Variants in NR2C1 observed in about 807,000 individuals in gnomAD.
The protein encoded by NR2C1 is nuclear receptor subfamily 2 group C member 1.
Under a neutral mutation model 74.8 loss-of-function variants are expected in NR2C1, and 33 were observed. The observed-to-expected ratio is 0.44, with a 90% CI of 0.33 to 0.59. NR2C1 has a LOEUF of 0.59. Ranked by LOEUF, NR2C1 falls within the 20% of genes least tolerant of loss-of-function variation. The pLI is 0.02. For missense variants in NR2C1, 568 were observed against 715.6 expected, an observed-to-expected ratio of 0.79 and a Z score of 2.35; for synonymous variants, 225 against 240.6, an observed-to-expected ratio of 0.94 and a Z score of 0.60.
intron 6 of NR2C1, 27 bp from the exon 7 acceptor site, chr12:95,057,670 C>T: frequency 1.2e-6 from 2 of 1,612,502 alleles, no homozygotes; most frequent in South Asian, 2.2e-5. Flanking sequence ...CAAATTTTGG[C>T]CTGAGTTTCA....
chr12:95,071,062 G>A (rs1325243856), intron 1 of NR2C1, among the ~76,000 whole-genome samples: 3 of 152,188 alleles, frequency 2.0e-5, no homozygotes, highest in Admixed American at 6.5e-5. Flanking sequence ...TTAGCCGGGT[G>A]TGGTGGACGG....
intron 2 of NR2C1, 129 bp from the exon 3 acceptor site, chr12:95,062,867 C>T (rs1875008973): frequency 1.5e-6 from 1 of 670,312 alleles, no homozygotes; most frequent in Non-Finnish European, 2.5e-6. Flanking sequence ...ACTACCGATT[C>T]TATTGCCACA....
chr12:95,035,227 A>T (rs1870669269), intron 10 of NR2C1, among the ~76,000 whole-genome samples: 1 of 152,192 alleles, frequency 6.6e-6, no homozygotes, highest in African/African-American at 2.4e-5. Context: ...TATCTCACAG[A>T]AACATTCTAG....
intron 10 of NR2C1, among the ~76,000 whole-genome samples, chr12:95,037,236 C>A (rs138145737): frequency 6.6e-6 from 1 of 152,290 alleles, no homozygotes; most frequent in Admixed American, 6.5e-5. Context: ...ATGGAATCTA[C>A]CACTATTCAT....
intron 11 of NR2C1, 79 bp downstream of exon 11, chr12:95,031,270 A>C (rs1870074954): frequency 8.3e-7 from 1 of 1,198,514 alleles, no homozygotes; most frequent in Non-Finnish European, 1.1e-6. Context: ...ATTATTAGAT[A>C]TCTAACTTTA....
At chr12:95,055,472 ACT>A (rs1259320277) in intron 7 of NR2C1, among the ~76,000 whole-genome samples, 4 of 152,058 alleles carry the variant, frequency 2.6e-5, no homozygotes, top group Non-Finnish European at 4.4e-5. Flanking sequence ...TACTTTTATT[ACT>A]CTTATTTTAC....
rs1040766376 is a variant in NR2C1 at position 95,020,477 on chromosome 12, A to G, written c.*1752T>C. The G allele has an allele frequency of 6.6e-6, 1 of 152,182 alleles. No individual in the cohort carries two copies. The highest frequency in any genetic ancestry group is 2.1e-4 in the South Asian group (1 of 4,830). The allele number at this position is 152,182 out of a possible 1,614,324, so 9.4% of individuals were successfully genotyped here. ...TTTTTCCATTTGAGTATTATACTAA[A>G]TGTAATTTAGCTGATAATTATAAAT... On this transcript the variant is annotated 3_prime_UTR_variant, in exon 14 of 14. Transcript: ENST00000333003.
rs80277898 is a variant in NR2C1 at position 95,034,540 on chromosome 12, T to G, written c.1254-3052A>C. Among the ~76,000 whole-genome samples, 557 of 152,288 alleles carry G rather than the reference T, an allele frequency of 3.7e-3. 4 individuals are homozygous for G. The Middle Eastern group carries it at 0.041, about 11-fold the overall frequency. On this transcript the variant is annotated intron_variant, in intron 10 of 13. Transcript: ENST00000333003. ...ACAGTTTGGTAGTACCCATCGAAAG[T>G]TGAAATGTGCACTTTCTTAGACCCA...
chr12:95,071,767 A>G (rs1215595061), intron 1 of NR2C1, among the ~76,000 whole-genome samples: 3 of 143,444 alleles, frequency 2.1e-5, no homozygotes, highest in Admixed American at 6.9e-5. Context: ...TTTTTTTTTG[A>G]GACGGAGTTT....
chr12:95,040,708 CA>C lies in NR2C1; in HGVS notation c.1132-112del, dbSNP rs1177906010. On this transcript the variant is annotated intron_variant, in intron 9 of 13. Transcript: ENST00000333003. ...CATCAAATGAGAGCTAATATATTCACAAAAAAAGCTAATCTTGAAATAATCC... is the reference window on the plus strand; with the variant it reads ...CATCAAATGAGAGCTAATATATTCACAAAAAAGCTAATCTTGAAATAATCC... 8.2e-6 allele frequency: 8 copies of C among 972,658 alleles called. No individual in the cohort carries two copies. The East Asian group carries it at 1.1e-4, about 14-fold the overall frequency. The allele number at this position is 972,658 out of a possible 1,614,324, so 60.3% of individuals were successfully genotyped here. A position where few individuals can be genotyped will look rare whatever the true frequency, so the allele number is the denominator to read the frequency against.
chr12:95,046,797 A>G (rs1715177410), intron 9 of NR2C1, among the ~76,000 whole-genome samples: 1 of 152,192 alleles, frequency 6.6e-6, no homozygotes, highest in South Asian at 2.1e-4. Context: ...CTTCAATGTG[A>G]GAACCATGAA....
intron 10 of NR2C1, 34 bp from the exon 11 acceptor site, chr12:95,031,522 T>G: frequency 6.6e-7 from 1 of 1,518,518 alleles, no homozygotes; most frequent in South Asian, 1.3e-5. Context: ...ACAAATCAGA[T>G]ATTATTAAAA....
chr12:95,057,713 G>T lies in NR2C1; in HGVS notation c.692+18C>A, dbSNP rs1874130206. ...GAAAAACAAAATGACCAGCTACTCAGTGTCTGTTTTACTTTACCTTGTACT... is the reference window on the plus strand; with the variant it reads ...GAAAAACAAAATGACCAGCTACTCATTGTCTGTTTTACTTTACCTTGTACT... On this transcript the variant is annotated intron_variant, in intron 6 of 13. Transcript: ENST00000333003. The T allele has an allele frequency of 1.2e-6, 2 of 1,613,192 alleles. No homozygotes were observed. Among genetic ancestry groups the T allele is most frequent in the African/African-American group, 2.7e-5 (2 of 74,876 alleles).
intron 13 of NR2C1, among the ~76,000 whole-genome samples, chr12:95,024,156 TA>T (rs987126356): frequency 1.1e-4 from 17 of 152,280 alleles, no homozygotes; most frequent in African/African-American, 3.9e-4. Flanking sequence ...TTAATATATG[TA>T]AAAAAATTAT....
intron 13 of NR2C1, among the ~76,000 whole-genome samples, chr12:95,023,084 G>C (rs1868953243): frequency 6.6e-6 from 1 of 151,948 alleles, no homozygotes; most frequent in Non-Finnish European, 1.5e-5. Flanking sequence ...TTGAGGTCAG[G>C]AGTTCGAGAC....
chr12:95,029,451 G>GA (rs1247716500), intron 11 of NR2C1, among the ~76,000 whole-genome samples: 28 of 151,498 alleles, frequency 1.8e-4, no homozygotes, highest in African/African-American at 4.8e-4. Context: ...TGCTTTTGGG[G>GA]AAAAAACTAT....
At chr12:95,057,929 T>G (rs1280400740) in intron 5 of NR2C1, 51 bp from the exon 6 acceptor site, 1 of 1,509,342 alleles carries the variant, frequency 6.6e-7, no homozygotes, top group South Asian at 1.1e-5. Flanking sequence ...TTACAGACAA[T>G]TAGAAATGTA....
intron 7 of NR2C1, among the ~76,000 whole-genome samples, chr12:95,055,908 G>A (rs892045028): frequency 1.4e-5 from 2 of 146,998 alleles, no homozygotes; most frequent in African/African-American, 5.1e-5. Context: ...AGCCGAGATC[G>A]GGACACTGCA....
At chr12:95,024,846 A>G (rs1869158252) in intron 13 of NR2C1, among the ~76,000 whole-genome samples, 1 of 152,226 alleles carries the variant, frequency 6.6e-6, no homozygotes, top group Non-Finnish European at 1.5e-5. Flanking sequence ...TATCCAAAGA[A>G]AAAGAGTTTG....
Sources: gnomAD v4.1 joint callset for allele counts (sites outside exome capture counted in the v4.1 genomes callset) on GRCh38, gnomAD v4.1.1 for gene constraint, MANE v1.5 for transcripts, NCBI Gene and HGNC (gene_info 2026-07-23, HGNC 2026-07-21) for gene names.